The following TRPC5 variants were observed in gnomAD, a reference collection of about 807,000 sequenced individuals.
TRPC5 encodes transient receptor potential cation channel subfamily C member 5.
Under a neutral mutation model 56.5 loss-of-function variants are expected in TRPC5, and 9 were observed. The ratio of observed to expected loss-of-function variants is 0.16; its 90% confidence interval spans 0.10 to 0.28. TRPC5 has a LOEUF of 0.28. Ranked by LOEUF, TRPC5 falls within the 10% of genes least tolerant of loss-of-function variation. The pLI is 1.00. For missense variants in TRPC5, 469 were observed against 748.9 expected, an observed-to-expected ratio of 0.63 and a Z score of 4.36; for synonymous variants, 282 against 278.5, an observed-to-expected ratio of 1.01 and a Z score of -0.13.
chrX:111,962,587 G>C (rs964211996), intron 1 of TRPC5, among the ~76,000 whole-genome samples: 5 of 112,179 alleles, frequency 4.5e-5, no homozygotes, highest in African/African-American at 1.6e-4. Context: ...GTGGTTTCTT[G>C]AGATGGAATA....
intron 3 of TRPC5, among the ~76,000 whole-genome samples, chrX:111,885,836 A>T (rs1924466794): frequency 8.9e-6 from 1 of 111,897 alleles, no homozygotes; most frequent in Non-Finnish European, 1.9e-5. Context: ...CATTGTCTAC[A>T]TCACAAAATT....
chrX:111,780,728 G>A (rs950468701), intron 9 of TRPC5, among the ~76,000 whole-genome samples: 1 of 111,971 alleles, frequency 8.9e-6, no homozygotes, highest in Non-Finnish European at 1.9e-5. Context: ...TTGTTCAAGA[G>A]TCAACTGTAA....
intron 2 of TRPC5, among the ~76,000 whole-genome samples, chrX:111,930,237 C>T (rs1198015478): frequency 1.8e-5 from 2 of 110,999 alleles, no homozygotes; most frequent in African/African-American, 3.3e-5. Context: ...CACTTGAGGC[C>T]AGGAGCTTGA....
chrX:111,833,829 G>C (rs1259363251), intron 7 of TRPC5, among the ~76,000 whole-genome samples: 1 of 110,766 alleles, frequency 9.0e-6, no homozygotes, highest in Non-Finnish European at 1.9e-5. Flanking sequence ...CTTTTCTATA[G>C]GCTAAATAAC....
chrX:111,987,011 G>A (rs763678990), intron 1 of TRPC5, among the ~76,000 whole-genome samples: 98 of 111,439 alleles, frequency 8.8e-4, no homozygotes, highest in Non-Finnish European at 1.6e-3. Flanking sequence ...GGAGCAGCCA[G>A]ACAATCTCAT....
chrX:111,877,224 T>C (rs1026493444), intron 3 of TRPC5, among the ~76,000 whole-genome samples: 1 of 111,650 alleles, frequency 9.0e-6, no homozygotes, highest in African/African-American at 3.3e-5. Context: ...AAAGAAGATA[T>C]TTTGGAGATA....
chrX:112,072,053 T>A (rs1930731458), intron 1 of TRPC5, among the ~76,000 whole-genome samples: 1 of 112,258 alleles, frequency 8.9e-6, no homozygotes, highest in African/African-American at 3.2e-5. Flanking sequence ...GATCAGTAGC[T>A]GACCTATTTT....
At chrX:111,863,161 A>T (rs780283991) in intron 3 of TRPC5, among the ~76,000 whole-genome samples, 1 of 111,764 alleles carries the variant, frequency 8.9e-6, no homozygotes, top group African/African-American at 3.3e-5. Context: ...GGGAAAAAGG[A>T]AAGAGAACAT....
chrX:111,838,031 C>G (rs1388324666), intron 6 of TRPC5, among the ~76,000 whole-genome samples: 1 of 110,004 alleles, frequency 9.1e-6, no homozygotes, highest in Non-Finnish European at 1.9e-5. Context: ...ATGATCATGC[C>G]ACTGCACTCC....
chrX:111,796,728 G>A (rs1403468631), intron 7 of TRPC5, among the ~76,000 whole-genome samples: 1 of 111,174 alleles, frequency 9.0e-6, no homozygotes, highest in Non-Finnish European at 1.9e-5. Context: ...TACTACTTGT[G>A]TAGAGCTCAA....
chrX:111,789,020 C>T lies in TRPC5; in HGVS notation c.1897-6882G>A, dbSNP rs966502179. On this transcript the variant is annotated intron_variant, in intron 7 of 10. Coordinates refer to ENST00000262839, the MANE Select transcript of TRPC5 (RefSeq NM_012471.3). ...TAATTTATAGATTCAATGCCATCCCCGTCAAGCTACCAATGACTTTCTTCA... is the reference window on the plus strand; with the variant it reads ...TAATTTATAGATTCAATGCCATCCCTGTCAAGCTACCAATGACTTTCTTCA... Among the ~76,000 whole-genome samples, 30 of 111,865 alleles carry T rather than the reference C, an allele frequency of 2.7e-4. 1 individual carries two copies. The highest frequency in any genetic ancestry group is 3.8e-5 in the Non-Finnish European group (2 of 53,181).
At chrX:112,042,598 C>T (rs1383402968) in intron 1 of TRPC5, among the ~76,000 whole-genome samples, 1 of 110,902 alleles carries the variant, frequency 9.0e-6, no homozygotes, top group East Asian at 2.8e-4. Context: ...AGGTCATGGC[C>T]CCTGTCTTTT....
At chrX:111,910,499 G>A (rs1925781137) in intron 3 of TRPC5, among the ~76,000 whole-genome samples, 2 of 111,735 alleles carry the variant, frequency 1.8e-5, no homozygotes, top group South Asian at 7.5e-4. Flanking sequence ...AGTCCTCCAT[G>A]TGTAAAAATA....
At chrX:111,850,152 A>T (rs181819727) in intron 5 of TRPC5, among the ~76,000 whole-genome samples, 6 of 111,209 alleles carry the variant, frequency 5.4e-5, no homozygotes, top group Admixed American at 3.8e-4. Flanking sequence ...CTTGGCACAC[A>T]TGGAAGCGAA....
At chrX:111,918,857 G>A (rs970291004) in intron 2 of TRPC5, among the ~76,000 whole-genome samples, 14 of 111,254 alleles carry the variant, frequency 1.3e-4, no homozygotes, top group African/African-American at 1.6e-4. Flanking sequence ...ACAGTGGGCT[G>A]AAGTAGAGTG....
intron 1 of TRPC5, among the ~76,000 whole-genome samples, chrX:112,030,593 G>C (rs1236075820): frequency 8.9e-6 from 1 of 111,787 alleles, no homozygotes; most frequent in Admixed American, 9.5e-5. Flanking sequence ...AGGAATTCTG[G>C]GATGGATTTG....
At chrX:111,893,416 A>C (rs1168179930) in intron 3 of TRPC5, among the ~76,000 whole-genome samples, 2 of 111,861 alleles carry the variant, frequency 1.8e-5, no homozygotes, top group Non-Finnish European at 3.8e-5. Flanking sequence ...TACCAGGTTA[A>C]GATTGAGTGT....
At chrX:111,847,901 G>T (rs1443561408) in intron 5 of TRPC5, among the ~76,000 whole-genome samples, 1 of 111,043 alleles carries the variant, frequency 9.0e-6, no homozygotes, top group African/African-American at 3.3e-5. Flanking sequence ...TGCTGTTACT[G>T]AAAGACAAGG....
At chrX:111,859,593 A>G (rs1923335897) in intron 3 of TRPC5, among the ~76,000 whole-genome samples, 1 of 112,072 alleles carries the variant, frequency 8.9e-6, no homozygotes, top group African/African-American at 3.2e-5. Context: ...GGGTGAATTC[A>G]TTTCTTATTA....
Sources: allele counts gnomAD v4.1 joint callset (sites outside exome capture counted in the v4.1 genomes callset), GRCh38; gene constraint gnomAD v4.1.1; transcripts MANE v1.5; gene names NCBI Gene and HGNC (gene_info 2026-07-23, HGNC 2026-07-21).